The following TRAPPC9 variants were observed in gnomAD, a reference collection of about 807,000 sequenced individuals.
TRAPPC9 encodes trafficking protein particle complex subunit 9.
Under a neutral mutation model 124.0 loss-of-function variants are expected in TRAPPC9, and 83 were observed. The observed-to-expected ratio is 0.67, with a 90% CI of 0.56 to 0.80. TRAPPC9 has a LOEUF of 0.80. Among genes scored for constraint, TRAPPC9 ranks in the 30% least tolerant of loss-of-function variants. The probability of loss-of-function intolerance (pLI) is 0.00; values close to 1 mark genes in which losing one functional copy is unlikely to be tolerated. For synonymous variants in TRAPPC9, 638 were observed against 617.5 expected, an observed-to-expected ratio of 1.03 and a Z score of -0.49; for missense variants, 1,302 against 1,508.3, an observed-to-expected ratio of 0.86 and a Z score of 2.27.
intron 21 of TRAPPC9, among the ~76,000 whole-genome samples, chr8:139,817,191 G>A (rs1033476855): frequency 2.6e-5 from 4 of 152,144 alleles, no homozygotes; most frequent in Non-Finnish European, 5.9e-5. Flanking sequence ...CAGGTTCACA[G>A]CGCCCCATCT....
rs140637825 is a variant in TRAPPC9, at chr8:140,360,190, G to T, written c.1355C>A (p.Thr452Lys). 42 of 1,614,058 alleles carry T rather than the reference G, an allele frequency of 2.6e-5. 2 individuals are homozygous for T. The Admixed American group carries it at 6.8e-4, about 26-fold the overall frequency. ...SLDPKDFSRG[T>K]HRGWAAVQMR... Reference sequence around the variant, plus strand: ...CTGGACCGCAGCCCAGCCTCTGTGCGTGCCTGCGATGGAAGTTACAAAACA... The same window carrying T: ...CTGGACCGCAGCCCAGCCTCTGTGCTTGCCTGCGATGGAAGTTACAAAACA... Residue 452 changes from threonine (T) to lysine (K), a missense_variant, in exon 9 of 23, where the codon ACG becomes AAG. Thr to Lys is a moderately conservative substitution (Grantham distance 78, BLOSUM62 -1). Around this residue, in one of 3 missense-constraint regions of TRAPPC9, gnomAD observed 657 missense variants for 811.2 expected, o/e 0.81. Transcript: ENST00000438773.
In TRAPPC9 at chr8:139,860,278, A is replaced by G. The variant is rs565988605; in HGVS notation, c.3055+25601T>C. ...GCCCACTGAAGACCAGCCGGGTATG[A>G]CCCCACACATGCTGAGGCTCTCAGA... On this transcript the variant is annotated intron_variant, in intron 21 of 22. Coordinates refer to ENST00000438773, the MANE Select transcript of TRAPPC9 (RefSeq NM_001160372.4). Among the ~76,000 whole-genome samples the G allele has an allele frequency of 2.6e-5, 4 of 152,214 alleles. No individual in the cohort carries two copies. The East Asian group carries it at 7.7e-4, about 29-fold the overall frequency.
intron 4 of TRAPPC9, among the ~76,000 whole-genome samples, chr8:140,431,916 C>A (rs1414546396): frequency 2.0e-5 from 3 of 152,182 alleles, no homozygotes; most frequent in Non-Finnish European, 4.4e-5. Flanking sequence ...TGGCTGACTG[C>A]CTTCTGACAT....
At chr8:139,749,435 G>C (rs1041358170) in intron 21 of TRAPPC9, among the ~76,000 whole-genome samples, 3 of 152,194 alleles carry the variant, frequency 2.0e-5, no homozygotes, top group Non-Finnish European at 4.4e-5. Flanking sequence ...TCACATGAGA[G>C]CAATGGGCTG....
At chr8:140,297,349 G>GACACACACACACATAC (rs1554663384) in intron 11 of TRAPPC9, among the ~76,000 whole-genome samples, 2 of 151,544 alleles carry the variant, frequency 1.3e-5, no homozygotes, top group Non-Finnish European at 1.5e-5. Flanking sequence ...CACATGCATA[G>GACACACACACACATAC]ACACACACAC....
At chr8:140,046,409 G>T (rs1266827616) in intron 17 of TRAPPC9, among the ~76,000 whole-genome samples, 1 of 152,260 alleles carries the variant, frequency 6.6e-6, no homozygotes, top group Non-Finnish European at 1.5e-5. Flanking sequence ...AGGCCAAGGG[G>T]CCTTCGCCCC....
intron 7 of TRAPPC9, among the ~76,000 whole-genome samples, chr8:140,390,149 CAA>C (rs1417005140): frequency 7.2e-5 from 11 of 152,026 alleles, no homozygotes; most frequent in Non-Finnish European, 1.5e-4. Context: ...ACTAAAAATA[CAA>C]AAATTAGCCG....
intron 7 of TRAPPC9, among the ~76,000 whole-genome samples, chr8:140,386,721 C>T (rs1234874550): frequency 6.6e-6 from 1 of 152,096 alleles, no homozygotes; most frequent in African/African-American, 2.4e-5. Flanking sequence ...GAATCAATAT[C>T]GTGAAAATGG....
intron 21 of TRAPPC9, among the ~76,000 whole-genome samples, chr8:139,813,724 T>C (rs1824608338): frequency 6.6e-6 from 1 of 152,206 alleles, no homozygotes; most frequent in Non-Finnish European, 1.5e-5. Flanking sequence ...TGTGCAAGGC[T>C]GCAGAATGGG....
At chr8:139,928,009 G>A (rs150313913) in intron 19 of TRAPPC9, among the ~76,000 whole-genome samples, 1 of 152,344 alleles carries the variant, frequency 6.6e-6, no homozygotes, top group Non-Finnish European at 1.5e-5. Context: ...TACTGAATGT[G>A]CTGAAAATTC....
chr8:139,956,078 C>T (rs1173819896), intron 19 of TRAPPC9, among the ~76,000 whole-genome samples: 1 of 152,200 alleles, frequency 6.6e-6, no homozygotes, highest in Non-Finnish European at 1.5e-5. Flanking sequence ...AGCTCCGATG[C>T]TCCTCGTTCG....
intron 17 of TRAPPC9, among the ~76,000 whole-genome samples, chr8:140,077,685 T>C (rs1237396380): frequency 6.6e-6 from 1 of 152,124 alleles, no homozygotes; most frequent in East Asian, 1.9e-4. Context: ...CTTCCCACTG[T>C]GGACATCAGG....
At chr8:140,433,221 G>A (rs1343659602) in intron 4 of TRAPPC9, among the ~76,000 whole-genome samples, 1 of 151,766 alleles carries the variant, frequency 6.6e-6, no homozygotes, top group East Asian at 1.9e-4. Context: ...GAGCCCGGGA[G>A]GCAGAGGTTA....
chr8:139,866,605 G>T (rs1047957091), intron 21 of TRAPPC9, among the ~76,000 whole-genome samples: 1 of 152,150 alleles, frequency 6.6e-6, no homozygotes, highest in Non-Finnish European at 1.5e-5. Context: ...ACAGATTACA[G>T]TAAAGATAAT....
intron 21 of TRAPPC9, among the ~76,000 whole-genome samples, chr8:139,801,350 T>C (rs988985043): frequency 7.2e-5 from 11 of 152,308 alleles, no homozygotes; most frequent in South Asian, 2.1e-4. Context: ...CCCGGACACC[T>C]CCTGAGCCAG....
chr8:140,140,508 G>A (rs1413917311), intron 17 of TRAPPC9, among the ~76,000 whole-genome samples: 1 of 152,160 alleles, frequency 6.6e-6, no homozygotes, highest in Non-Finnish European at 1.5e-5. Context: ...TTGAACAAGA[G>A]CATCGAAGTG....
chr8:139,965,151 C>A (rs372109185), intron 19 of TRAPPC9, among the ~76,000 whole-genome samples: 2 of 152,222 alleles, frequency 1.3e-5, no homozygotes, highest in Non-Finnish European at 2.9e-5. Flanking sequence ...GGCTTCTAAC[C>A]ACAAGGCAAG....
chr8:140,016,925 C>A (rs1042848058), intron 18 of TRAPPC9, among the ~76,000 whole-genome samples: 1 of 152,300 alleles, frequency 6.6e-6, no homozygotes, highest in East Asian at 1.9e-4. Context: ...TATGTGAATT[C>A]TGGCTGTTTC....
At chr8:139,831,665 T>C (rs925039197) in intron 21 of TRAPPC9, among the ~76,000 whole-genome samples, 1 of 152,126 alleles carries the variant, frequency 6.6e-6, no homozygotes, top group African/African-American at 2.4e-5. Context: ...CATCCAGTCA[T>C]CCACCCCACC....
Sources: allele counts gnomAD v4.1 joint callset (sites outside exome capture counted in the v4.1 genomes callset), GRCh38; gene constraint gnomAD v4.1.1; regional missense constraint gnomAD v4.1.1; transcripts MANE v1.5; gene names NCBI Gene and HGNC (gene_info 2026-07-23, HGNC 2026-07-21).